DIS3L2: variants seen among roughly 807,000 people sequenced by gnomAD.
DIS3L2 encodes DIS3 like 3'-5' exoribonuclease 2, also known as DIS3-like exonuclease 2.
Under a neutral mutation model 97.5 loss-of-function variants are expected in DIS3L2, and 34 were observed. The observed-to-expected ratio is 0.35, with a 90% CI of 0.27 to 0.46. The LOEUF is 0.46. DIS3L2 is among the 20% of genes least tolerant of loss of function. The pLI, the probability that DIS3L2 is intolerant of heterozygous loss-of-function variation, is 1.00. For synonymous variants in DIS3L2, 435 were observed against 445.2 expected, an observed-to-expected ratio of 0.98 and a Z score of 0.29; for missense variants, 1,038 against 1,146.0, an observed-to-expected ratio of 0.91 and a Z score of 1.36.
intron 8 of DIS3L2, among the ~76,000 whole-genome samples, chr2:232,148,239 G>C (rs959451514): frequency 1.3e-5 from 2 of 152,038 alleles, no homozygotes; most frequent in Middle Eastern, 3.4e-3. Flanking sequence ...AGTAGAGATG[G>C]GGTTTCACCA....
rs181747371 is a variant in DIS3L2, at chr2:232,270,836, G to A, written c.1659+7396G>A. On this transcript the variant is annotated intron_variant, in intron 13 of 20. Transcript: ENST00000325385. ...TTCTCTGCCTACACGGAGCTCTGGC[G>A]CACTCGCGCGCTCTCTTTTTCTCGT... Among the ~76,000 whole-genome samples the A allele has an allele frequency of 4.3e-3, 651 of 150,126 alleles. 2 individuals are homozygous for A. Among genetic ancestry groups the A allele is most frequent in the Non-Finnish European group, 7.2e-3 (489 of 67,626 alleles).
At chr2:232,008,370 G>T (rs1694108657) in intron 1 of DIS3L2, among the ~76,000 whole-genome samples, 1 of 151,602 alleles carries the variant, frequency 6.6e-6, no homozygotes, top group African/African-American at 2.4e-5. Flanking sequence ...TTTTATTTCT[G>T]GGAATTTGTC....
chr2:232,330,098 C>T (rs1695693215), intron 15 of DIS3L2, 102 bp downstream of exon 15: 1 of 1,391,714 alleles, frequency 7.2e-7, no homozygotes, highest in Non-Finnish European at 9.6e-7. Flanking sequence ...CCCCAGAGTC[C>T]CTCCCCTTCA....
chr2:232,192,662 G>A (rs1287358937), intron 9 of DIS3L2, among the ~76,000 whole-genome samples: 1 of 152,228 alleles, frequency 6.6e-6, no homozygotes, highest in African/African-American at 2.4e-5. Flanking sequence ...TCCCCCAGGG[G>A]ACAGTGTGGA....
chr2:231,980,156 G>T (rs1189256923), intron 1 of DIS3L2, among the ~76,000 whole-genome samples: 2 of 151,872 alleles, frequency 1.3e-5, no homozygotes, highest in African/African-American at 4.8e-5. Flanking sequence ...ATCTATTTTG[G>T]GCATTCTTCT....
At chr2:232,294,917 G>A (rs560108708) in intron 13 of DIS3L2, among the ~76,000 whole-genome samples, 6 of 152,028 alleles carry the variant, frequency 3.9e-5, no homozygotes, top group South Asian at 2.1e-4. Flanking sequence ...TCACCCAGCC[G>A]CTTCCTTCTG....
chr2:232,279,263 C>G (rs759516595), intron 13 of DIS3L2, among the ~76,000 whole-genome samples: 5 of 152,152 alleles, frequency 3.3e-5, no homozygotes, highest in African/African-American at 7.2e-5. Context: ...ATGTGCTTGT[C>G]AGCACTTGGT....
At chr2:232,018,686 A>G (rs150507015) in intron 3 of DIS3L2, among the ~76,000 whole-genome samples, 2 of 151,914 alleles carry the variant, frequency 1.3e-5, no homozygotes, top group South Asian at 2.1e-4. Flanking sequence ...AGAAACTTTT[A>G]TCGAGAGATT....
intron 9 of DIS3L2, among the ~76,000 whole-genome samples, chr2:232,181,161 G>T (rs1483967187): frequency 1.4e-5 from 2 of 145,640 alleles, no homozygotes; most frequent in South Asian, 4.5e-4. Context: ...CTGGCTTGTA[G>T]GGTTTCTGCC....
intron 6 of DIS3L2, among the ~76,000 whole-genome samples, chr2:232,117,974 C>T (rs953484608): frequency 2.0e-5 from 3 of 152,196 alleles, no homozygotes; most frequent in African/African-American, 4.8e-5. Flanking sequence ...TTCAGAGTTC[C>T]TCACAAGGCT....
chr2:232,026,547 G>T (rs1286751906), intron 4 of DIS3L2, among the ~76,000 whole-genome samples: 1 of 151,936 alleles, frequency 6.6e-6, no homozygotes, highest in South Asian at 2.1e-4. Context: ...CATTGAGGGG[G>T]TGCCTCCGGT....
chr2:232,172,747 T>C (rs755021486), intron 9 of DIS3L2: 2 of 534,528 alleles, frequency 3.7e-6, no homozygotes, highest in East Asian at 5.4e-5. Flanking sequence ...CCTGTGGCAA[T>C]GTATGAGGGT....
chr2:232,039,392 T>C (rs992876816), intron 5 of DIS3L2, among the ~76,000 whole-genome samples: 1 of 152,198 alleles, frequency 6.6e-6, no homozygotes, highest in Non-Finnish European at 1.5e-5. Flanking sequence ...CGTGAGCCAA[T>C]GTGGATTAAT....
chr2:232,248,364 A>C (rs1318021498), intron 11 of DIS3L2, among the ~76,000 whole-genome samples: 1 of 152,190 alleles, frequency 6.6e-6, no homozygotes, highest in Non-Finnish European at 1.5e-5. Flanking sequence ...TTTTAGTTAG[A>C]GAGGTGGGGT....
At chr2:232,230,811 G>T (rs535325774) in intron 10 of DIS3L2, among the ~76,000 whole-genome samples, 1 of 152,162 alleles carries the variant, frequency 6.6e-6, no homozygotes, top group South Asian at 2.1e-4. Context: ...ACCCAGCAGG[G>T]CAGCTCTTCT....
rs188350940 is a variant in DIS3L2 at position 232,102,916 on chromosome 2, A to G, written c.601+15195A>G. Among the ~76,000 whole-genome samples the G allele has an allele frequency of 3.3e-3, 508 of 152,268 alleles. 1 individual carries two copies. The highest frequency in any genetic ancestry group is 4.7e-3 in the Non-Finnish European group (317 of 67,992). ...AAATTACTTTTATTCGGCCAGTCAC[A>G]ATTTTATTTCCCATTAAAAATGCCA... is the stretch of plus-strand genomic sequence containing the variant. On this transcript the variant is annotated intron_variant, in intron 6 of 20. Coordinates refer to ENST00000325385, the MANE Select transcript of DIS3L2 (RefSeq NM_152383.5).
chr2:232,219,568 G>A (rs2106230029), intron 10 of DIS3L2, among the ~76,000 whole-genome samples: 1 of 152,116 alleles, frequency 6.6e-6, no homozygotes, highest in Non-Finnish European at 1.5e-5. Flanking sequence ...TTCCATTCAA[G>A]TGTTTCACTC....
At chr2:232,227,398 ATC>A (rs1692679066) in intron 10 of DIS3L2, among the ~76,000 whole-genome samples, 1 of 152,208 alleles carries the variant, frequency 6.6e-6, no homozygotes. Context: ...CAGTGTCTTT[ATC>A]TGTAGAAAGA....
intron 1 of DIS3L2, among the ~76,000 whole-genome samples, chr2:231,979,621 A>G (rs1334838771): frequency 2.0e-5 from 3 of 152,054 alleles, no homozygotes; most frequent in African/African-American, 4.8e-5. Context: ...CCCTATTGCC[A>G]GGCTGGAGTG....
Sources: gnomAD v4.1 joint callset for allele counts (sites outside exome capture counted in the v4.1 genomes callset) on GRCh38, gnomAD v4.1.1 for gene constraint, MANE v1.5 for transcripts, NCBI Gene and HGNC (gene_info 2026-07-23, HGNC 2026-07-21) for gene names.